The following RAB27A variants were observed in gnomAD, a reference collection of about 807,000 sequenced individuals.
RAB27A encodes ras-related protein Rab-27A.
In RAB27A, 17 loss-of-function variants were observed where a neutral mutation model predicts 20.8. That is an observed-to-expected ratio of 0.82 (90% CI 0.56 to 1.23). The LOEUF is 1.23. Among genes scored for constraint, RAB27A ranks in the 50% most tolerant of loss-of-function variants. RAB27A has a pLI of 0.00. For synonymous variants in RAB27A, 85 were observed against 92.8 expected (o/e 0.92, Z 0.48); for missense variants, 277 against 266.7 (o/e 1.04, Z -0.27).
chr15:55,275,259 CAA>C (rs59710970), intron 1 of RAB27A, among the ~76,000 whole-genome samples: 3 of 131,050 alleles, frequency 2.3e-5, no homozygotes, highest in Admixed American at 7.7e-5. Context: ...CTAACAACAA[CAA>C]AAAAAAAAAG....
At chr15:55,214,843 TG>T (rs1285925022) in intron 6 of RAB27A, among the ~76,000 whole-genome samples, 1 of 152,160 alleles carries the variant, frequency 6.6e-6, no homozygotes, top group African/African-American at 2.4e-5. Context: ...GCTAAAATCC[TG>T]GGGATAGCTT....
intron 1 of RAB27A, among the ~76,000 whole-genome samples, chr15:55,318,357 A>C (rs1181248496): frequency 1.3e-5 from 2 of 149,856 alleles, no homozygotes; most frequent in East Asian, 4.1e-4. Context: ...TTGGCCTCCC[A>C]AAGTACTGGG....
chr15:55,266,652 C>G (rs1897497763), intron 2 of RAB27A, among the ~76,000 whole-genome samples: 1 of 152,148 alleles, frequency 6.6e-6, no homozygotes, highest in African/African-American at 2.4e-5. Flanking sequence ...CTTTAAAGCA[C>G]TAACTCATTT....
At chr15:55,284,301 T>C (rs985426799) in intron 1 of RAB27A, among the ~76,000 whole-genome samples, 1 of 152,202 alleles carries the variant, frequency 6.6e-6, no homozygotes, top group African/African-American at 2.4e-5. Context: ...ATATTTATTG[T>C]ACCAAAATAA....
intron 1 of RAB27A, among the ~76,000 whole-genome samples, chr15:55,274,835 G>C (rs371475667): frequency 1.5e-5 from 1 of 64,594 alleles, no homozygotes; most frequent in Non-Finnish European, 4.1e-5. Context: ...TGTATAGAGA[G>C]AGACAGACAA....
chr15:55,292,815 G>C (rs757655304), upstream of RAB27A, among the ~76,000 whole-genome samples: 49 of 152,312 alleles, frequency 3.2e-4, no homozygotes, highest in Non-Finnish European at 5.3e-4. Context: ...GGTACTGGAA[G>C]GCATTAGAAT....
At chr15:55,252,725 A>G (rs1414506690) in intron 2 of RAB27A, among the ~76,000 whole-genome samples, 1 of 152,020 alleles carries the variant, frequency 6.6e-6, no homozygotes, top group African/African-American at 2.4e-5. Context: ...TCTATATACA[A>G]AAAAAAAGAC....
intron 6 of RAB27A, among the ~76,000 whole-genome samples, chr15:55,210,281 G>GTT (rs560258521): frequency 8.4e-4 from 120 of 142,760 alleles, no homozygotes; most frequent in Admixed American, 1.1e-3. Flanking sequence ...TCTATTTTTA[G>GTT]TTTTTTTTTT....
intron 6 of RAB27A, among the ~76,000 whole-genome samples, chr15:55,223,068 C>T (rs1014487673): frequency 6.6e-6 from 1 of 152,124 alleles, no homozygotes; most frequent in Middle Eastern, 3.2e-3. Context: ...GACCCTCCAC[C>T]ACAAGACCAT....
intron 3 of RAB27A, among the ~76,000 whole-genome samples, 190 bp downstream of exon 3, chr15:55,234,592 G>A (rs1363497940): frequency 6.6e-6 from 1 of 152,172 alleles, no homozygotes; most frequent in Non-Finnish European, 1.5e-5. Context: ...TGTCTGCCTG[G>A]TTTTATATGA....
chr15:55,317,539 T>C, intron 1 of RAB27A: 1 of 361,888 alleles, frequency 2.8e-6, no homozygotes. Flanking sequence ...GGTCTTGAAC[T>C]CCTGACCACC....
intron 1 of RAB27A, among the ~76,000 whole-genome samples, chr15:55,288,544 A>T (rs77046095): frequency 0.051 from 7,808 of 152,156 alleles, 283 homozygotes; most frequent in East Asian, 0.16. Flanking sequence ...GGAAAAATAG[A>T]TTAAATATAC....
In RAB27A at chr15:55,270,179, G is replaced by A. The variant is rs974201329; in HGVS notation, c.-37C>T. The A allele has an allele frequency of 3.3e-5, 5 of 151,646 alleles. No individual in the cohort carries two copies. The highest frequency in any genetic ancestry group is 1.2e-4 in the African/African-American group (5 of 41,264). 9.4% of individuals were successfully genotyped at this position (151,646 alleles called of 1,614,324 possible). A position where few individuals can be genotyped will look rare whatever the true frequency, so the allele number is the denominator to read the frequency against. On this transcript the variant is annotated 5_prime_UTR_variant, in exon 2 of 7. Transcript: ENST00000336787. ...CAAAACCATACCTTTACAGGGTAGA[G>A]AACCGCTTGTTATGATTTTCTAAAA...
At chr15:55,283,649 G>T (rs144598025) in intron 1 of RAB27A, among the ~76,000 whole-genome samples, 298 of 152,204 alleles carry the variant, frequency 2.0e-3, no homozygotes, top group African/African-American at 6.7e-3. Flanking sequence ...GAAATGATGC[G>T]ATTTATTATG....
chr15:55,313,703 G>A (rs537560983), intron 2 of RAB27A, among the ~76,000 whole-genome samples: 18 of 152,246 alleles, frequency 1.2e-4, no homozygotes, highest in African/African-American at 3.9e-4. Context: ...GTGAAACCCC[G>A]TCTCCACTAA....
chr15:55,211,978 T>TG lies in RAB27A; in HGVS notation c.468-6274_468-6273insC, dbSNP rs1491323190. Among the ~76,000 whole-genome samples the TG allele has an allele frequency of 3.0e-5, 4 of 133,170 alleles. No homozygotes were observed. In the East Asian group the frequency reaches 8.2e-4, roughly 27 times the overall value. 87.4% of individuals were successfully genotyped at this position (133,170 alleles called of 152,430 possible). On this transcript the variant is annotated intron_variant, in intron 6 of 6. Coordinates refer to ENST00000336787, the MANE Select transcript of RAB27A (RefSeq NM_183235.3). ...ATAACCTTTTTTTTTTTTTTTTTTT[T>TG]AGCTTTTCCCCCTTTTTTGCTTCAG...
In RAB27A at chr15:55,304,348, C is replaced by G. The variant is rs888304596; in HGVS notation, c.-112+9691G>C. 3.3e-5 allele frequency among the ~76,000 whole-genome samples: 5 copies of G among 151,420 alleles called. No individual in the cohort carries two copies. The South Asian group carries it at 1.1e-3, about 32-fold the overall frequency. On this transcript the variant is annotated intron_variant, in intron 2 of 5. Transcript: ENST00000563262. ...TGCGGAAGGCCGCAGGGTCCTCTGCCTAGGAAAACCAGAGACCTTTGTTCA... is the reference window on the plus strand; with the variant it reads ...TGCGGAAGGCCGCAGGGTCCTCTGCGTAGGAAAACCAGAGACCTTTGTTCA...
chr15:55,237,091 T>C (rs1896289143), intron 2 of RAB27A, among the ~76,000 whole-genome samples: 1 of 152,166 alleles, frequency 6.6e-6, no homozygotes, highest in African/African-American at 2.4e-5. Context: ...CAAACATACA[T>C]ATTTATCCAT....
At chr15:55,310,992 C>T (rs778539532) in intron 2 of RAB27A, among the ~76,000 whole-genome samples, 37 of 152,168 alleles carry the variant, frequency 2.4e-4, no homozygotes, top group Non-Finnish European at 4.1e-4. Flanking sequence ...CCTTCTAATA[C>T]GCAGGTTAGC....
Sources: gnomAD v4.1 joint callset for allele counts (sites outside exome capture counted in the v4.1 genomes callset) on GRCh38, gnomAD v4.1.1 for gene constraint, MANE v1.5 for transcripts, NCBI Gene and HGNC (gene_info 2026-07-23, HGNC 2026-07-21) for gene names.